MLF1: variants seen among roughly 807,000 people sequenced by gnomAD.
MLF1 encodes myeloid leukemia factor 1.
Under a neutral mutation model 38.3 loss-of-function variants are expected in MLF1, and 37 were observed. That is an observed-to-expected ratio of 0.96 (90% CI 0.74 to 1.27). The LOEUF is 1.27. Ranked by LOEUF, MLF1 falls within the 50% of genes most tolerant of loss-of-function variation. The pLI is 0.00. For synonymous variants in MLF1, 95 were observed against 106.5 expected (o/e 0.89, Z 0.66); for missense variants, 331 against 349.2 (o/e 0.95, Z 0.42).
chr3:158,593,182 T>C (rs1718410057), intron 2 of MLF1, among the ~76,000 whole-genome samples, 200 bp from the exon 3 acceptor site: 1 of 152,170 alleles, frequency 6.6e-6, no homozygotes, highest in African/African-American at 2.4e-5. Flanking sequence ...CATTTTCTTT[T>C]TTGCCTCTTT....
In MLF1 at chr3:158,600,235, T is replaced by C. The variant is rs1002576214; in HGVS notation, c.613+62T>C. On this transcript the variant is annotated intron_variant, in intron 6 of 7. Transcript: ENST00000466246. ...AATTTAAAATAACAGCCGTACTTGA[T>C]GAATTTTTTTTTAGAAACATGTCAT... 53 of 1,054,466 alleles carry C rather than the reference T, an allele frequency of 5.0e-5. No individual in the cohort carries two copies. The African/African-American group carries it at 7.0e-4, about 14-fold the overall frequency. 65.3% of individuals were successfully genotyped at this position (1,054,466 alleles called of 1,614,324 possible).
In MLF1 at chr3:158,598,107, C is replaced by T. The variant is rs1240271378; in HGVS notation, c.352C>T (p.His118Tyr). 5 of 1,613,222 alleles carry T rather than the reference C, an allele frequency of 3.1e-6. No homozygotes were observed. The highest frequency in any genetic ancestry group is 2.2e-5 in the South Asian group (2 of 90,792). ...FGQLSVDPNG[H>Y]SFCSSSVMTY... is the part of the protein sequence containing the mutation. The stretch of plus-strand genomic sequence containing the variant: ...TCAACTTTCAGTGGATCCAAATGGA[C>T]ATTCATTTTGTTCTTCCTCAGTTAT... The change falls in exon 5 of 8, where the codon CAT becomes TAT. Residue 118 changes from histidine (H) to tyrosine (Y), a missense_variant. Physicochemically the swap from His to Tyr is moderately conservative, Grantham distance 83. Transcript: ENST00000466246.
intron 3 of MLF1, among the ~76,000 whole-genome samples, chr3:158,593,934 G>A (rs1718527853): frequency 6.6e-6 from 1 of 152,116 alleles, no homozygotes; most frequent in Non-Finnish European, 1.5e-5. Context: ...TAGGGTTTTT[G>A]TGCTGTGTCT....
intron 1 of MLF1, among the ~76,000 whole-genome samples, chr3:158,575,600 TAGAG>T (rs1560094716): frequency 6.6e-6 from 1 of 152,108 alleles, no homozygotes; most frequent in African/African-American, 2.4e-5. Context: ...CTTAGGAACA[TAGAG>T]ATGTGAAACA....
At chr3:158,595,778 A>C (rs1418593728) in intron 3 of MLF1, among the ~76,000 whole-genome samples, 2 of 152,152 alleles carry the variant, frequency 1.3e-5, no homozygotes, top group Non-Finnish European at 2.9e-5. Context: ...ATAGCAATAG[A>C]ACACAGAGAC....
chr3:158,602,282 C>A (rs905801740), intron 6 of MLF1, among the ~76,000 whole-genome samples: 6 of 152,080 alleles, frequency 3.9e-5, no homozygotes, highest in Non-Finnish European at 7.4e-5. Flanking sequence ...TATTTTAAAG[C>A]AGTCTTAAGA....
At chr3:158,587,767 G>A (rs920801665) in intron 1 of MLF1, among the ~76,000 whole-genome samples, 6 of 152,228 alleles carry the variant, frequency 3.9e-5, no homozygotes, top group Non-Finnish European at 7.3e-5. Context: ...TTGGGAGGCC[G>A]AGGCGGGCAG....
intron 1 of MLF1, among the ~76,000 whole-genome samples, chr3:158,584,342 G>A (rs1186519792): frequency 6.6e-6 from 1 of 152,148 alleles, no homozygotes; most frequent in Non-Finnish European, 1.5e-5. Context: ...GAGCTACCAC[G>A]CAAGAGACAG....
At chr3:158,574,730 G>A (rs1052183881) in intron 1 of MLF1, among the ~76,000 whole-genome samples, 14 of 147,860 alleles carry the variant, frequency 9.5e-5, no homozygotes, top group African/African-American at 2.5e-4. Context: ...ATATTATTTT[G>A]TAAAATCCAT....
chr3:158,581,430 T>G (rs1716338106), intron 1 of MLF1, among the ~76,000 whole-genome samples: 1 of 152,202 alleles, frequency 6.6e-6, no homozygotes, highest in African/African-American at 2.4e-5. Flanking sequence ...CCAGTCTGCC[T>G]GGGGGAAGGC....
intron 1 of MLF1, among the ~76,000 whole-genome samples, chr3:158,575,981 C>T (rs1461660049): frequency 2.6e-5 from 4 of 151,952 alleles, no homozygotes; most frequent in East Asian, 1.9e-4. Flanking sequence ...CTAGATACTA[C>T]GATGCTGATA....
intron 2 of MLF1, among the ~76,000 whole-genome samples, chr3:158,592,990 A>T (rs1411851138): frequency 1.3e-5 from 2 of 152,148 alleles, no homozygotes; most frequent in East Asian, 3.8e-4. Flanking sequence ...TTGGACCAGG[A>T]AACACTGATC....
chr3:158,602,015 A>T (rs1348611645), intron 6 of MLF1, among the ~76,000 whole-genome samples: 1 of 151,738 alleles, frequency 6.6e-6, no homozygotes. Context: ...ACGTGGTTTC[A>T]CCATGTTAGC....
chr3:158,600,321 T>A (rs553194184), intron 6 of MLF1, 148 bp downstream of exon 6: 19 of 412,130 alleles, frequency 4.6e-5, no homozygotes, highest in African/African-American at 3.5e-4. Context: ...AGGATTGTGT[T>A]TTCATCCTTT....
At chr3:158,582,383 T>C (rs1288983637) in intron 1 of MLF1, among the ~76,000 whole-genome samples, 1 of 151,452 alleles carries the variant, frequency 6.6e-6, no homozygotes, top group Non-Finnish European at 1.5e-5. Flanking sequence ...AGATATAACC[T>C]GTAATAGGAG....
At chr3:158,575,490 C>T (rs1051141495) in intron 1 of MLF1, among the ~76,000 whole-genome samples, 4 of 152,056 alleles carry the variant, frequency 2.6e-5, no homozygotes, top group Admixed American at 1.3e-4. Flanking sequence ...TTGACCCACC[C>T]GTTTTACCTC....
At position 158,600,185 on chromosome 3, in the gene MLF1, C is replaced by CA. The variant is rs747719379; in HGVS notation, c.613+19dup. The CA allele has an allele frequency of 8.0e-6, 11 of 1,379,698 alleles. No homozygotes were observed. Among genetic ancestry groups the CA allele is most frequent in the African/African-American group, 4.5e-5 (3 of 66,776 alleles). 85.5% of individuals were successfully genotyped at this position (1,379,698 alleles called of 1,614,324 possible). On this transcript the variant is annotated intron_variant, in intron 6 of 7. Coordinates refer to ENST00000466246, the MANE Select transcript of MLF1 (RefSeq NM_001369783.1). ...CAATATGAATGAAAGTAAGTTATCA[C>CA]AAAAAAATAATATTCTTTCTTATAA...
chr3:158,582,637 A>G (rs1179868050), intron 1 of MLF1: 2 of 373,716 alleles, frequency 5.4e-6, no homozygotes, highest in East Asian at 3.8e-5. Context: ...GAAAATAATT[A>G]TATCTGACTT....
intron 2 of MLF1, 94 bp downstream of exon 2, chr3:158,592,675 G>T (rs1182710695): frequency 9.7e-6 from 10 of 1,030,320 alleles, no homozygotes; most frequent in South Asian, 1.9e-5. Flanking sequence ...GATAGGATAT[G>T]ACTAATATTC....
Sources: gnomAD v4.1 joint callset for allele counts (sites outside exome capture counted in the v4.1 genomes callset) on GRCh38, gnomAD v4.1.1 for gene constraint, MANE v1.5 for transcripts, NCBI Gene and HGNC (gene_info 2026-07-23, HGNC 2026-07-21) for gene names.